GYS1: variants seen among roughly 807,000 people sequenced by gnomAD.
GYS1 encodes the protein glycogen [starch] synthase, muscle.
In GYS1, 60 loss-of-function variants were observed where a neutral mutation model predicts 89.1. The observed-to-expected ratio is 0.67, with a 90% CI of 0.55 to 0.84. GYS1 has a LOEUF of 0.84. GYS1 is among the 40% of genes least tolerant of loss of function. GYS1 has a pLI of 0.00. For synonymous variants in GYS1, 366 were observed against 401.7 expected, an observed-to-expected ratio of 0.91 and a Z score of 1.06; for missense variants, 888 against 1,003.1, an observed-to-expected ratio of 0.89 and a Z score of 1.55.
intron 2 of GYS1, among the ~76,000 whole-genome samples, chr19:48,988,027 T>TGGCC: frequency 2.0e-5 from 3 of 152,236 alleles, no homozygotes; most frequent in Non-Finnish European, 4.4e-5. Flanking sequence ...TGATCTCCAT[T>TGGCC]TCCCGACCTT....
At chr19:48,969,949 T>C (rs2038531623) in intron 14 of GYS1, 94 bp from the exon 15 acceptor site, 11 of 788,960 alleles carry the variant, frequency 1.4e-5, no homozygotes, top group Non-Finnish European at 2.5e-5. Flanking sequence ...TTTATGCAGA[T>C]GAGCACACTG....
intron 11 of GYS1, 89 bp from the exon 12 acceptor site, chr19:48,974,428 G>T: frequency 7.0e-7 from 1 of 1,427,672 alleles, no homozygotes; most frequent in Non-Finnish European, 9.8e-7. Context: ...TAAAAAGCTT[G>T]TCTAGCATCA....
chr19:48,969,307 AG>A lies in GYS1; in HGVS notation c.2194del (p.Leu732TrpfsTer110). 6.4e-7 allele frequency: 1 copy of A among 1,570,260 alleles called. No individual in the cohort carries two copies. The highest frequency in any genetic ancestry group is 8.6e-7 in the Non-Finnish European group (1 of 1,165,496). ...GCGGACTTAGTTACGCTCCTCGCCC[AG>A]GGAGCTGGTGGGGCTGAGGGGCTCG... ...PSEPLSPTSS[L>X]GEERN is the part of the protein sequence containing the mutation. On this transcript the variant is annotated frameshift_variant, in exon 16 of 16. Coordinates refer to ENST00000323798, the MANE Select transcript of GYS1 (RefSeq NM_002103.5). LOFTEE classifies it high-confidence loss of function.
At position 48,991,681 on chromosome 19, in the gene GYS1, T is replaced by G; in HGVS notation, c.119-198A>C. On this transcript the variant is annotated intron_variant, in intron 1 of 15. Transcript: ENST00000323798. This position sits in a 1 kb window ranked among gnomAD's most constrained non-coding sequence, Gnocchi z 4.7. Reference sequence around the variant, plus strand: ...GAACACGAGGGCTGGAGGGCAGTCCTCCTGGGTCTAAGGGAGAAGGGGGCT... The same window carrying G: ...GAACACGAGGGCTGGAGGGCAGTCCGCCTGGGTCTAAGGGAGAAGGGGGCT... The G allele has an allele frequency of 1.6e-6, 1 of 618,108 alleles. No individual in the cohort carries two copies. The highest frequency in any genetic ancestry group is 2.9e-6 in the Non-Finnish European group (1 of 349,912). 38.3% of individuals were successfully genotyped at this position (618,108 alleles called of 1,614,324 possible). A position where few individuals can be genotyped will look rare whatever the true frequency, so the allele number is the denominator to read the frequency against.
At position 48,969,074 on chromosome 19, in the gene GYS1, T is replaced by C; in HGVS notation, c.*214A>G. 1 of 640,106 alleles carries C rather than the reference T, an allele frequency of 1.6e-6. No homozygotes were observed. The highest frequency in any genetic ancestry group is 2.8e-6 in the Non-Finnish European group (1 of 359,962). 39.7% of individuals were successfully genotyped at this position (640,106 alleles called of 1,614,324 possible). On this transcript the variant is annotated 3_prime_UTR_variant, in exon 16 of 16. Transcript: ENST00000323798. Reference sequence around the variant, plus strand: ...ACTCCAGGGCGCTGATTATGCATATTCTGGAGCCAGAGAAAGGCACGGCTT... The same window carrying C: ...ACTCCAGGGCGCTGATTATGCATATCCTGGAGCCAGAGAAAGGCACGGCTT...
chr19:48,968,174 C>T lies in GYS1; in HGVS notation c.*1114G>A, dbSNP rs1401536520. 4.4e-6 allele frequency: 2 copies of T among 451,136 alleles called. No individual in the cohort carries two copies. The highest frequency in any genetic ancestry group is 4.2e-5 in the African/African-American group (2 of 47,526). The allele number at this position is 451,136 out of a possible 1,614,324, so 27.9% of individuals were successfully genotyped here. A position where few individuals can be genotyped will look rare whatever the true frequency, so the allele number is the denominator to read the frequency against. On this transcript the variant is annotated 3_prime_UTR_variant, in exon 16 of 16. Transcript: ENST00000323798. ...TTTTTTCATCTCATCTCCGGACACA[C>T]TCCAATCACACCCCTCCTGCCCTCC...
rs1052112227 is a variant in GYS1 at position 48,991,537 on chromosome 19, G to A, written c.119-54C>T. 3.0e-5 allele frequency: 47 copies of A among 1,568,226 alleles called. No homozygotes were observed. In the Admixed American group the frequency reaches 7.2e-4, roughly 24 times the overall value. On this transcript the variant is annotated intron_variant, in intron 1 of 15. Coordinates refer to ENST00000323798, the MANE Select transcript of GYS1 (RefSeq NM_002103.5). The surrounding 1 kb of genome is among the most constrained non-coding windows in gnomAD (Gnocchi z 4.7). Reference sequence around the variant, plus strand: ...CCCGGCCGAGGTCCATAGTTCTGGGGCCTGGGGTGGGGTGGGCCGGGGATG... The same window carrying A: ...CCCGGCCGAGGTCCATAGTTCTGGGACCTGGGGTGGGGTGGGCCGGGGATG...
At chr19:48,974,510 A>G in intron 11 of GYS1, 110 bp downstream of exon 11, 1 of 1,030,414 alleles carries the variant, frequency 9.7e-7, no homozygotes, top group Non-Finnish European at 1.5e-6. Context: ...GTTCTTTCTA[A>G]CCACAGCAAT....
In GYS1 at chr19:48,969,384, G is replaced by C; in HGVS notation, c.2118C>G (p.Ser706Arg). ...TGGCCGTGTCCACAGAGTTGCGCTT[G>C]CTGCCGCTGGTGGAGGAGGTGCAGG... ...RASCTSSTSG[S>R]KRNSVDTATS... The change falls in exon 16 of 16, where the codon AGC (serine) becomes AGG (arginine). Residue 706 changes from serine (S) to arginine (R), a missense_variant. Physicochemically the swap from Ser to Arg is moderately radical, Grantham distance 110 (BLOSUM62 -1). Coordinates refer to ENST00000323798, the MANE Select transcript of GYS1 (RefSeq NM_002103.5). The C allele has an allele frequency of 6.4e-7, 1 of 1,570,412 alleles. No homozygotes were observed. The highest frequency in any genetic ancestry group is 8.6e-7 in the Non-Finnish European group (1 of 1,162,678).
chr19:48,973,911 A>G (rs1480543731), intron 12 of GYS1, among the ~76,000 whole-genome samples: 1 of 151,920 alleles, frequency 6.6e-6, no homozygotes, highest in Non-Finnish European at 1.5e-5. Context: ...ACTTGGCCAC[A>G]CTCGGCTGTA....
In GYS1 at chr19:48,973,505, A is replaced by ATTT. The variant is rs34032782; in HGVS notation, c.1549+705_1549+707dup. On this transcript the variant is annotated intron_variant, in intron 12 of 15. Transcript: ENST00000323798. ...AGGAAATGGCACTAATTTAGCTTTA[A>ATTT]TTTTTTTTTTTTTTTTTTTTTGAGA... Among the ~76,000 whole-genome samples the ATTT allele has an allele frequency of 6.6e-4, 79 of 120,594 alleles. 1 individual carries two copies. Among genetic ancestry groups the ATTT allele is most frequent in the African/African-American group, 7.4e-4 (23 of 31,252 alleles). The allele number at this position is 120,594 out of a possible 152,430, so 79.1% of individuals were successfully genotyped here.
rs765512016 is a variant in GYS1, at chr19:48,970,652, G to A, written c.1703C>T (p.Thr568Ile). ...RSLDDSCSQL[T>I]SFLYSFCQQS... ...CTGACAGAAACTGTAGAGGAAGGAG[G>A]TGAGCTGCGAGCAGGAATCATCCAG... Residue 568 changes from threonine to isoleucine, a missense_variant, in exon 14 of 16, where the codon ACC becomes ATC. Transcript: ENST00000323798. 8 of 1,611,642 alleles carry A rather than the reference G, an allele frequency of 5.0e-6. No individual in the cohort carries two copies. The South Asian group carries it at 8.8e-5, about 18-fold the overall frequency.
In GYS1 at chr19:48,982,381, GAACCCA is replaced by G; in HGVS notation, c.942-12_942-7del. 1 of 1,613,762 alleles carries G rather than the reference GAACCCA, an allele frequency of 6.2e-7. No individual in the cohort carries two copies. The highest frequency in any genetic ancestry group is 8.5e-7 in the Non-Finnish European group (1 of 1,179,834). On this transcript the variant is annotated splice_region_variant and splice_polypyrimidine_tract_variant and intron_variant, in intron 6 of 15. Transcript: ENST00000323798. ...CCAAGTTGAAGTCCAGATGCCTAAA[GAACCCA>G]CAAGGCACGGTAAAGCCCAAAGCCC...
chr19:48,973,099 G>C (rs894244177), intron 12 of GYS1, among the ~76,000 whole-genome samples: 1 of 152,172 alleles, frequency 6.6e-6, no homozygotes, highest in Admixed American at 6.5e-5. Flanking sequence ...GATTACGGGG[G>C]TGGTTCCCCC....
rs2038517020 is a variant in GYS1 at position 48,969,440 on chromosome 19, T to C, written c.2062A>G (p.Ile688Val). 1 of 1,545,520 alleles carries C rather than the reference T, an allele frequency of 6.5e-7. No individual in the cohort carries two copies. Among genetic ancestry groups the C allele is most frequent in the South Asian group, 1.2e-5 (1 of 84,064 alleles). ...DEEAAKDRRN[I>V]RAPEWPRRAS... ...CGGCGCGGCCACTCTGGTGCACGGA[T>C]GTTGCGCCGGTCCTTGGCGGCCTCC... Residue 688 changes from isoleucine to valine, a missense_variant, in exon 16 of 16, where the codon ATC (isoleucine) becomes GTC (valine). Ile to Val is a conservative substitution (Grantham distance 29). Coordinates refer to ENST00000323798, the MANE Select transcript of GYS1 (RefSeq NM_002103.5).
chr19:48,974,543 G>T, intron 11 of GYS1, 77 bp downstream of exon 11: 1 of 1,083,924 alleles, frequency 9.2e-7, no homozygotes, highest in Non-Finnish European at 1.4e-6. Context: ...ACTTATAGGG[G>T]AATGGAGTGT....
In GYS1 at chr19:48,982,687, CTCTCT is replaced by C. The variant is rs773644377; in HGVS notation, c.941+28_941+32del. On this transcript the variant is annotated intron_variant, in intron 6 of 15. Transcript: ENST00000323798. ...AGATGGTTAGGCTCCCAACGCCCTC[CTCTCT>C]TAAGACCTAGGTATATGCCCCACGT... The C allele has an allele frequency of 2.9e-5, 41 of 1,420,824 alleles. No individual in the cohort carries two copies. In the African/African-American group the frequency reaches 4.9e-4, roughly 17 times the overall value. The allele number at this position is 1,420,824 out of a possible 1,614,324, so 88.0% of individuals were successfully genotyped here. A position where few individuals can be genotyped will look rare whatever the true frequency, so the allele number is the denominator to read the frequency against.
intron 12 of GYS1, among the ~76,000 whole-genome samples, chr19:48,972,855 G>C (rs1415865607): frequency 6.6e-6 from 1 of 152,144 alleles, no homozygotes; most frequent in Non-Finnish European, 1.5e-5. Flanking sequence ...TAATACATCT[G>C]TCAGGCATGG....
chr19:48,971,116 C>A (rs1194227713), intron 12 of GYS1, 93 bp from the exon 13 acceptor site: 3 of 869,794 alleles, frequency 3.4e-6, no homozygotes, highest in Non-Finnish European at 5.9e-6. Context: ...TCTACTGGCG[C>A]CTGTACCAAG....
Sources: gnomAD v4.1 joint callset for allele counts (sites outside exome capture counted in the v4.1 genomes callset) on GRCh38, gnomAD v4.1.1 for gene constraint, Gnocchi (gnomAD v3.1) non-coding constraint, MANE v1.5 for transcripts, NCBI Gene and HGNC (gene_info 2026-07-23, HGNC 2026-07-21) for gene names.